PDE4B: variants seen among roughly 807,000 people sequenced by gnomAD.
PDE4B encodes the protein 3',5'-cyclic-AMP phosphodiesterase 4B.
Under a neutral mutation model 82.2 loss-of-function variants are expected in PDE4B, and 20 were observed. The ratio of observed to expected loss-of-function variants is 0.24; its 90% CI spans 0.17 to 0.35. The LOEUF is 0.35. Ranked by LOEUF, PDE4B falls within the 10% of genes least tolerant of loss-of-function variation. PDE4B has a pLI of 1.00. For missense variants in PDE4B, 655 were observed against 907.2 expected, an observed-to-expected ratio of 0.72 and a Z score of 3.57; for synonymous variants, 320 against 318.9, an observed-to-expected ratio of 1.00 and a Z score of -0.04.
At chr1:65,970,290 C>T (rs1049417174) in intron 3 of PDE4B, among the ~76,000 whole-genome samples, 2 of 150,792 alleles carry the variant, frequency 1.3e-5, no homozygotes, top group African/African-American at 4.9e-5. Context: ...ATGAAACTGA[C>T]AATACAAACC....
chr1:66,185,915 CTA>C (rs777028535), intron 3 of PDE4B, among the ~76,000 whole-genome samples: 22 of 152,280 alleles, frequency 1.4e-4, no homozygotes, highest in Non-Finnish European at 2.8e-4. Context: ...TTGCCCATGC[CTA>C]TGTCTTGAAT....
intron 3 of PDE4B, among the ~76,000 whole-genome samples, chr1:66,071,207 A>G (rs1352488483): frequency 6.6e-6 from 1 of 152,082 alleles, no homozygotes; most frequent in East Asian, 1.9e-4. Context: ...ATTTTGTATG[A>G]CTTAAATTTT....
At chr1:66,169,820 T>G (rs762697531) in intron 3 of PDE4B, among the ~76,000 whole-genome samples, 3 of 152,192 alleles carry the variant, frequency 2.0e-5, no homozygotes, top group Non-Finnish European at 4.4e-5. Flanking sequence ...AATTATTTCT[T>G]TTTTGGAGGC....
chr1:65,942,275 G>A (rs959017279), intron 3 of PDE4B, among the ~76,000 whole-genome samples: 1 of 151,804 alleles, frequency 6.6e-6, no homozygotes. Context: ...AGATCATGTG[G>A]CATTTGTCTT....
intron 1 of PDE4B, among the ~76,000 whole-genome samples, chr1:65,814,142 C>T (rs1645852054): frequency 6.6e-6 from 1 of 152,170 alleles, no homozygotes; most frequent in African/African-American, 2.4e-5. Context: ...TTGACTACAG[C>T]ACATTGCTTG....
At chr1:66,233,467 TA>T (rs999239569) in intron 3 of PDE4B, among the ~76,000 whole-genome samples, 1 of 152,230 alleles carries the variant, frequency 6.6e-6, no homozygotes, top group Non-Finnish European at 1.5e-5. Context: ...CATCTATTAA[TA>T]AAAATCATTT....
intron 3 of PDE4B, among the ~76,000 whole-genome samples, chr1:65,999,399 A>G (rs1466734451): frequency 1.3e-5 from 2 of 152,230 alleles, no homozygotes; most frequent in East Asian, 3.9e-4. Flanking sequence ...CCTGTTCTCC[A>G]GCCCTGTGAG....
intron 1 of PDE4B, among the ~76,000 whole-genome samples, chr1:65,819,620 G>C (rs1645929047): frequency 1.3e-5 from 2 of 151,288 alleles, no homozygotes; most frequent in African/African-American, 2.4e-5. Flanking sequence ...TCCTGCCTTA[G>C]CCTTGAGTAG....
chr1:65,883,447 GCTCT>G (rs1164255987), intron 1 of PDE4B, among the ~76,000 whole-genome samples: 1 of 151,856 alleles, frequency 6.6e-6, no homozygotes, highest in African/African-American at 2.4e-5. Context: ...TCATGATTTG[GCTCT>G]CTGTTTGTCT....
chr1:65,897,103 C>T (rs145958820), intron 1 of PDE4B, among the ~76,000 whole-genome samples: 11 of 152,094 alleles, frequency 7.2e-5, no homozygotes, highest in African/African-American at 2.7e-4. Flanking sequence ...TCAAAATAAC[C>T]CTGTCAGATA....
At chr1:66,014,478 A>C (rs1252980507) in intron 3 of PDE4B, among the ~76,000 whole-genome samples, 1 of 152,100 alleles carries the variant, frequency 6.6e-6, no homozygotes, top group Non-Finnish European at 1.5e-5. Flanking sequence ...ATCGTGTAAG[A>C]TTAGAGTCCA....
chr1:66,042,829 C>A lies in PDE4B; in HGVS notation c.281+123994C>A, dbSNP rs1654460044. ...ATGTAAAAATAGATATGATGTATTA[C>A]TTAAAAATTTTTGACTCTCTAATAT... On this transcript the variant is annotated intron_variant, in intron 3 of 16. Coordinates refer to ENST00000341517, the MANE Select transcript of PDE4B (RefSeq NM_002600.4). 2.6e-5 allele frequency: 4 copies of A among 151,768 alleles called. 1 individual carries two copies. In the South Asian group the frequency reaches 8.3e-4, roughly 31 times the overall value. 9.4% of individuals were successfully genotyped at this position (151,768 alleles called of 1,614,324 possible). A position where few individuals can be genotyped will look rare whatever the true frequency, so the allele number is the denominator to read the frequency against.
At chr1:66,281,251 A>G (rs1336937297) in intron 7 of PDE4B, among the ~76,000 whole-genome samples, 2 of 152,068 alleles carry the variant, frequency 1.3e-5, no homozygotes, top group African/African-American at 4.8e-5. Context: ...TTATTGCCCC[A>G]CTCCTCAAGT....
chr1:66,099,603 G>A (rs1157392479), intron 3 of PDE4B, among the ~76,000 whole-genome samples: 3 of 151,892 alleles, frequency 2.0e-5, no homozygotes, highest in Admixed American at 6.6e-5. Context: ...TTTCTATTTT[G>A]GCAATCCTAA....
At chr1:66,354,998 G>C in intron 8 of PDE4B, 3 of 1,086,474 alleles carry the variant, frequency 2.8e-6, no homozygotes, top group Middle Eastern at 2.4e-4. Context: ...TGATTTGTGT[G>C]TTCATTTAAC....
At chr1:66,194,488 C>A (rs1380281518) in intron 3 of PDE4B, among the ~76,000 whole-genome samples, 1 of 151,882 alleles carries the variant, frequency 6.6e-6, no homozygotes, top group East Asian at 1.9e-4. Flanking sequence ...TTAAAATTCC[C>A]CAATTTATAA....
chr1:66,186,159 T>G (rs1320320715), intron 3 of PDE4B, among the ~76,000 whole-genome samples: 1 of 152,232 alleles, frequency 6.6e-6, no homozygotes, highest in Non-Finnish European at 1.5e-5. Flanking sequence ...TATGCGGCAT[T>G]ATTTCTGAGG....
At chr1:65,907,168 T>C (rs1204861559) in intron 1 of PDE4B, among the ~76,000 whole-genome samples, 1 of 152,176 alleles carries the variant, frequency 6.6e-6, no homozygotes, top group Non-Finnish European at 1.5e-5. Context: ...GAAGCACATT[T>C]GCCTCTGTTT....
chr1:65,803,073 G>A (rs1233448244), intron 1 of PDE4B, among the ~76,000 whole-genome samples: 1 of 151,916 alleles, frequency 6.6e-6, no homozygotes, highest in Non-Finnish European at 1.5e-5. Context: ...TTTTTTAAAA[G>A]AATAAAATAA....
Sources: allele counts gnomAD v4.1 joint callset (sites outside exome capture counted in the v4.1 genomes callset), GRCh38; gene constraint gnomAD v4.1.1; transcripts MANE v1.5; gene names NCBI Gene and HGNC (gene_info 2026-07-23, HGNC 2026-07-21).